The following SENP2 variants were observed in gnomAD, a reference collection of about 807,000 sequenced individuals.
The protein encoded by SENP2 is sentrin-specific protease 2.
A neutral mutation model predicts 86.3 loss-of-function variants in SENP2; 16 were observed. That is an observed-to-expected ratio of 0.19 (90% CI 0.13 to 0.28). SENP2 has a LOEUF of 0.28. SENP2 is among the 10% of genes least tolerant of loss of function. The pLI, the probability that SENP2 is intolerant of heterozygous loss-of-function variation, is 1.00. For synonymous variants in SENP2, 222 were observed against 238.7 expected (o/e 0.93, Z 0.64); for missense variants, 552 against 703.0 (o/e 0.79, Z 2.43).
At chr3:185,613,545 A>T in intron 10 of SENP2, 137 bp downstream of exon 10, 1 of 532,190 alleles carries the variant, frequency 1.9e-6, no homozygotes, top group South Asian at 2.6e-5. Context: ...AAAAGCAGCA[A>T]GCCAGCCAGT....
At chr3:185,616,775 C>CG (rs568694873) in intron 11 of SENP2, among the ~76,000 whole-genome samples, 16 of 122,104 alleles carry the variant, frequency 1.3e-4, no homozygotes, top group African/African-American at 4.7e-4. Context: ...ACTCCGTCTC[C>CG]AAAAAAAAAA....
chr3:185,613,611 A>G lies in SENP2; in HGVS notation c.933+203A>G, dbSNP rs145024660. 1.3e-3 allele frequency: 460 copies of G among 342,726 alleles called. 1 individual carries two copies. Among genetic ancestry groups the G allele is most frequent in the African/African-American group, 9.3e-3 (428 of 46,162 alleles). 21.2% of individuals were successfully genotyped at this position (342,726 alleles called of 1,614,324 possible). ...TTTAGGAGGCCAAGGCAGAAGGATC[A>G]CTTGAGCCCAGGAGTTTGAGACCAG... On this transcript the variant is annotated intron_variant, in intron 10 of 16. Transcript: ENST00000296257.
At chr3:185,612,698 A>G (rs1722736002) in intron 9 of SENP2, 40 bp downstream of exon 9, 4 of 1,402,538 alleles carry the variant, frequency 2.9e-6, no homozygotes, top group Admixed American at 1.8e-5. Flanking sequence ...CTTTTAATAT[A>G]TATTTTCTTA....
chr3:185,600,796 T>C lies in SENP2; in HGVS notation c.390T>C (p.Tyr130=). Residue 130 remains tyrosine (Y), a synonymous_variant, in exon 5 of 17, where the codon TAT becomes TAC. Coordinates refer to ENST00000296257, the MANE Select transcript of SENP2 (RefSeq NM_021627.3). The part of the protein sequence containing the change: ...GNKSPNGISD[Y]PKIRVTVTRD... The stretch of plus-strand genomic sequence containing the variant: ...AATCTCCTAATGGAATAAGTGACTA[T>C]CCAAAGATCAGAGTGACAGTTACCC... The C allele has an allele frequency of 6.2e-7, 1 of 1,610,944 alleles. No individual in the cohort carries two copies. Among genetic ancestry groups the C allele is most frequent in the Non-Finnish European group, 8.5e-7 (1 of 1,177,174 alleles).
intron 16 of SENP2, among the ~76,000 whole-genome samples, chr3:185,627,053 G>A (rs899089223): frequency 1.5e-5 from 2 of 137,698 alleles, no homozygotes; most frequent in Non-Finnish European, 1.5e-5. Flanking sequence ...CACTTCAGCC[G>A]CCTGGGGCAA....
In SENP2 at chr3:185,629,894, T is replaced by G. The variant is rs1339620854; in HGVS notation, c.*50T>G. 3.9e-6 allele frequency: 6 copies of G among 1,552,524 alleles called. No homozygotes were observed. Among genetic ancestry groups the G allele is most frequent in the African/African-American group, 1.4e-5 (1 of 73,734 alleles). ...CTGCTGGTGGTTCTTTCACAGACATTTCCATATACCTCATGCATTGTGGGT... is the reference window on the plus strand; with the variant it reads ...CTGCTGGTGGTTCTTTCACAGACATGTCCATATACCTCATGCATTGTGGGT... On this transcript the variant is annotated 3_prime_UTR_variant, in exon 17 of 17. Coordinates refer to ENST00000296257, the MANE Select transcript of SENP2 (RefSeq NM_021627.3).
rs1721846155 is a variant in SENP2, at chr3:185,587,858, C to A, written c.101+1344C>A. 2.0e-5 allele frequency among the ~76,000 whole-genome samples: 3 copies of A among 150,862 alleles called. No individual in the cohort carries two copies. The South Asian group carries it at 6.3e-4, about 32-fold the overall frequency. The stretch of plus-strand genomic sequence containing the variant: ...CAGGCGATTCTTCTGCCTCAGCCTC[C>A]GGAATAGCTGGGATTACAGGCGCCT... On this transcript the variant is annotated intron_variant, in intron 1 of 16. Transcript: ENST00000296257.
At chr3:185,621,386 C>CTT (rs1220771289) in intron 13 of SENP2, among the ~76,000 whole-genome samples, 1,367 of 78,760 alleles carry the variant, frequency 0.017, 10 homozygotes, top group Non-Finnish European at 0.02. Context: ...TCTTTTTTTT[C>CTT]TTTTTTTTTT....
rs929921121 is a variant in SENP2 at position 185,593,727 on chromosome 3, T to G, written c.157+3558T>G. Among the ~76,000 whole-genome samples, 3 of 132,540 alleles carry G rather than the reference T, an allele frequency of 2.3e-5. No homozygotes were observed. In the Admixed American group the frequency reaches 2.3e-4, roughly 10 times the overall value. The allele number at this position is 132,540 out of a possible 152,430, so 87.0% of individuals were successfully genotyped here. On this transcript the variant is annotated intron_variant, in intron 2 of 16. Coordinates refer to ENST00000296257, the MANE Select transcript of SENP2 (RefSeq NM_021627.3). ...AACTTAGTATTATTGTGTTTTCATT[T>G]CTTTTTTTTTTTTTTTTTGAGACGG...
At chr3:185,613,318 C>G (rs373864508) in intron 9 of SENP2, 27 bp from the exon 10 acceptor site, 163 of 1,332,324 alleles carry the variant, frequency 1.2e-4, no homozygotes, top group Non-Finnish European at 1.7e-4. Context: ...TAGCAGAAGT[C>G]TATCATCTCT....
At chr3:185,617,456 C>A in intron 11 of SENP2, 24 bp from the exon 12 acceptor site, 1 of 1,577,498 alleles carries the variant, frequency 6.3e-7, no homozygotes. Context: ...ATTAAAATAG[C>A]AACTTCTGAA....
At position 185,630,087 on chromosome 3, in the gene SENP2, A is replaced by G. The variant is rs956939949; in HGVS notation, c.*243A>G. On this transcript the variant is annotated 3_prime_UTR_variant, in exon 17 of 17. Transcript: ENST00000296257. ...TTTGGACTGTTCAACCCACACAAGAACAAACGCTAACTAATATTTTTTTTA... is the reference window on the plus strand; with the variant it reads ...TTTGGACTGTTCAACCCACACAAGAGCAAACGCTAACTAATATTTTTTTTA... 2.5e-6 allele frequency: 1 copy of G among 400,190 alleles called. No homozygotes were observed. Among genetic ancestry groups the G allele is most frequent in the East Asian group, 3.5e-5 (1 of 28,548 alleles). 24.8% of individuals were successfully genotyped at this position (400,190 alleles called of 1,614,324 possible).
chr3:185,596,901 T>G (rs1269809992), intron 2 of SENP2, among the ~76,000 whole-genome samples: 1 of 152,232 alleles, frequency 6.6e-6, no homozygotes, highest in Non-Finnish European at 1.5e-5. Flanking sequence ...TCATCCAGGC[T>G]GGAGTGCAAT....
chr3:185,611,826 A>G, intron 8 of SENP2, 81 bp downstream of exon 8: 1 of 1,016,238 alleles, frequency 9.8e-7, no homozygotes, highest in Middle Eastern at 2.1e-4. Flanking sequence ...GAAAATTGAC[A>G]TTCAAGTGTA....
chr3:185,586,555 C>G lies in SENP2; in HGVS notation c.101+41C>G. On this transcript the variant is annotated intron_variant, in intron 1 of 16. Transcript: ENST00000296257. The surrounding 1 kb of genome is among the most constrained non-coding windows in gnomAD (Gnocchi z 4.3). Reference sequence around the variant, plus strand: ...GCTGAGCGCCAGCCTGGCCTTACCCCCTCCCCCACAGCGGGCTCCTCGGCC... The same window carrying G: ...GCTGAGCGCCAGCCTGGCCTTACCCGCTCCCCCACAGCGGGCTCCTCGGCC... The G allele has an allele frequency of 1.3e-6, 2 of 1,569,950 alleles. No individual in the cohort carries two copies. The highest frequency in any genetic ancestry group is 1.7e-6 in the Non-Finnish European group (2 of 1,147,154).
chr3:185,598,916 C>CA, intron 3 of SENP2, 42 bp from the exon 4 acceptor site: 1 of 1,512,210 alleles, frequency 6.6e-7, no homozygotes, highest in African/African-American at 1.4e-5. Context: ...ATTTAGGTGA[C>CA]AAAATTTAGA....
At chr3:185,599,683 C>A (rs1486519232) in intron 4 of SENP2, among the ~76,000 whole-genome samples, 1 of 152,018 alleles carries the variant, frequency 6.6e-6, no homozygotes, top group African/African-American at 2.4e-5. Context: ...ATGATAAAAG[C>A]CTTAGAGTTG....
In SENP2 at chr3:185,613,350, C is replaced by A; in HGVS notation, c.875C>A (p.Ser292Ter). ...CTCTCAATTTTTTTCCTTAGGTGTT[C>A]AAAGGGGAAAATTACTGATACAGAG... ...LCSLRSEKRC[S>*]KGKITDTETM... The change falls in exon 10 of 17, where the codon TCA (serine) becomes TAA (stop). Residue 292 changes from serine (S) to a stop codon, truncating the protein, a stop_gained. Coordinates refer to ENST00000296257, the MANE Select transcript of SENP2 (RefSeq NM_021627.3). LOFTEE classifies it high-confidence loss of function. 1.3e-6 allele frequency: 2 copies of A among 1,581,036 alleles called. No homozygotes were observed. The highest frequency in any genetic ancestry group is 2.3e-5 in the South Asian group (2 of 88,624).
Position 185,586,356 on chromosome 3 carries a change from A to C in SENP2, c.-58A>C. 1 of 1,596,628 alleles carries C rather than the reference A, an allele frequency of 6.3e-7. No individual in the cohort carries two copies. The highest frequency in any genetic ancestry group is 2.2e-5 in the East Asian group (1 of 44,556). On this transcript the variant is annotated 5_prime_UTR_variant, in exon 1 of 17. Transcript: ENST00000296257. The surrounding 1 kb of genome is among the most constrained non-coding windows in gnomAD (Gnocchi z 4.3). ...GACGGCGAAGGCGGCAGCGGCGGCG[A>C]CAGCTCTGGGGTTTGCGTCTCGGGG... is the stretch of plus-strand genomic sequence containing the variant.
Sources: gnomAD v4.1 joint callset for allele counts (sites outside exome capture counted in the v4.1 genomes callset) on GRCh38, gnomAD v4.1.1 for gene constraint, Gnocchi (gnomAD v3.1) non-coding constraint, MANE v1.5 for transcripts, NCBI Gene and HGNC (gene_info 2026-07-23, HGNC 2026-07-21) for gene names.